Variants in DCAF8L2 observed in about 807,000 individuals in gnomAD.
The protein encoded by DCAF8L2 is DDB1 and CUL4 associated factor 8 like 2, also known as DDB1- and CUL4-associated factor 8-like protein 2.
For synonymous variants in DCAF8L2, 200 were observed against 190.9 expected, an observed-to-expected ratio of 1.05 and a Z score of -0.39; for missense variants, 430 against 490.7, an observed-to-expected ratio of 0.88 and a Z score of 1.17.
the DCAF8L2 span, among the ~76,000 whole-genome samples, chrX:27,560,354 C>T: frequency 2.7e-5 from 3 of 111,038 alleles, no homozygotes; most frequent in South Asian, 1.1e-3. Context: ...CTGTCAAGGT[C>T]ATTATGTGTG....
chrX:27,749,249 A>G lies in DCAF8L2; in HGVS notation c.*458A>G, dbSNP rs1922447345. Among the ~76,000 whole-genome samples, 1 of 112,063 alleles carries G rather than the reference A, an allele frequency of 8.9e-6. No individual in the cohort carries two copies. On this transcript the variant is annotated 3_prime_UTR_variant, in exon 5 of 5. Transcript: ENST00000451261. ...TCCTCAGTTGACCTGAAAATTTCAG[A>G]AATGTGTTTCTTCTTTAGAAAATAA...
chrX:27,491,339 G>A, the DCAF8L2 span, among the ~76,000 whole-genome samples: 2 of 111,458 alleles, frequency 1.8e-5, no homozygotes, highest in Non-Finnish European at 3.8e-5. Context: ...ATTCAAGTGG[G>A]GCATTCTTTT....
intron 1 of DCAF8L2, among the ~76,000 whole-genome samples, chrX:27,625,894 A>G (rs1927985964): frequency 9.0e-6 from 1 of 111,100 alleles, no homozygotes; most frequent in East Asian, 2.8e-4. Flanking sequence ...GGACCAAAAA[A>G]CTGCCTATCA....
At chrX:27,649,729 ATCT>A (rs1380196237) in intron 2 of DCAF8L2, among the ~76,000 whole-genome samples, 1 of 111,941 alleles carries the variant, frequency 8.9e-6, no homozygotes, top group Non-Finnish European at 1.9e-5. Context: ...GTATGTAAAT[ATCT>A]TCTCTCATTG....
At chrX:27,578,118 A>G in the DCAF8L2 span, among the ~76,000 whole-genome samples, 1 of 111,713 alleles carries the variant, frequency 9.0e-6, no homozygotes, top group East Asian at 2.8e-4. Flanking sequence ...AAACAGAACA[A>G]AACTGGAGGC....
intron 3 of DCAF8L2, among the ~76,000 whole-genome samples, chrX:27,708,255 A>G (rs1373215962): frequency 9.0e-6 from 1 of 111,585 alleles, no homozygotes; most frequent in East Asian, 2.8e-4. Context: ...AACATGCGCT[A>G]TTGTTTCCTG....
the DCAF8L2 span, among the ~76,000 whole-genome samples, chrX:27,491,377 T>C: frequency 8.9e-6 from 1 of 112,133 alleles, no homozygotes; most frequent in African/African-American, 3.2e-5. Flanking sequence ...CAATTCCTCA[T>C]TGAATTTCTT....
the DCAF8L2 span, chrX:27,517,796 T>C: frequency 8.0e-6 from 9 of 1,120,178 alleles, no homozygotes; most frequent in Non-Finnish European, 1.1e-5. Flanking sequence ...GATACACAGG[T>C]TTGTATTGCC....
intron 4 of DCAF8L2, among the ~76,000 whole-genome samples, chrX:27,733,550 G>A (rs1921347291): frequency 9.0e-6 from 1 of 111,153 alleles, no homozygotes; most frequent in Non-Finnish European, 1.9e-5. Flanking sequence ...CACTTTTTAT[G>A]TTTGCTTTTG....
intron 3 of DCAF8L2, among the ~76,000 whole-genome samples, chrX:27,695,360 A>G (rs1373066853): frequency 8.9e-6 from 1 of 112,435 alleles, no homozygotes; most frequent in Non-Finnish European, 1.9e-5. Flanking sequence ...ACAAAAGTAT[A>G]TGAACAAGTT....
intron 2 of DCAF8L2, among the ~76,000 whole-genome samples, chrX:27,637,595 G>T (rs1362099620): frequency 8.9e-6 from 1 of 112,241 alleles, no homozygotes; most frequent in East Asian, 2.8e-4. Flanking sequence ...GAACATGGCA[G>T]CTTCTTCAAA....
At chrX:27,522,142 C>T in the DCAF8L2 span, among the ~76,000 whole-genome samples, 1 of 111,962 alleles carries the variant, frequency 8.9e-6, no homozygotes, top group Non-Finnish European at 1.9e-5. Context: ...ATTCTCCTGC[C>T]TCAACCTCCC....
chrX:27,690,107 T>A (rs757896763), intron 3 of DCAF8L2, among the ~76,000 whole-genome samples: 1 of 111,463 alleles, frequency 9.0e-6, no homozygotes, highest in Non-Finnish European at 1.9e-5. Flanking sequence ...AGGGACTAAA[T>A]CATGACAGAA....
Position 27,736,333 on chromosome X carries a change from A to T in DCAF8L2, c.-58-10505A>T, listed in dbSNP as rs1475520173. 2.7e-5 allele frequency among the ~76,000 whole-genome samples: 3 copies of T among 111,643 alleles called. No individual in the cohort carries two copies. The Admixed American group carries it at 2.9e-4, about 11-fold the overall frequency. On this transcript the variant is annotated intron_variant, in intron 4 of 4. Transcript: ENST00000451261. The stretch of plus-strand genomic sequence containing the variant: ...CTGCCCTTAAGGTCAGGACTATATC[A>T]TCTTTTATCTGCACTATTCTGATAG...
intron 3 of DCAF8L2, among the ~76,000 whole-genome samples, chrX:27,687,551 A>G (rs1930556175): frequency 1.8e-5 from 2 of 112,024 alleles, no homozygotes; most frequent in African/African-American, 6.5e-5. Context: ...ATACAACAAT[A>G]CTAAGGCATT....
chrX:27,514,625 C>T, the DCAF8L2 span, among the ~76,000 whole-genome samples: 5 of 86,636 alleles, frequency 5.8e-5, no homozygotes, highest in African/African-American at 8.8e-5. Flanking sequence ...GCCGAGATCC[C>T]GCCACTGCAC....
rs1434588166 is a variant in DCAF8L2, at chrX:27,747,360, C to T, written c.465C>T (p.Gly155=). 1.7e-6 allele frequency: 2 copies of T among 1,160,777 alleles called. No homozygotes were observed. The highest frequency in any genetic ancestry group is 2.3e-6 in the Non-Finnish European group (2 of 871,236). The change falls in exon 5 of 5, where the codon GGC becomes GGT. Residue 155 remains glycine (G), a synonymous_variant. Transcript: ENST00000451261. Reference sequence around the variant, plus strand: ...AACAGCCTCGGGCGGGTCCACAAGGCAGTGGCGGCAACCATGAGCAGTATT... The same window carrying T: ...AACAGCCTCGGGCGGGTCCACAAGGTAGTGGCGGCAACCATGAGCAGTATT... ...EEEQPRAGPQ[G]SGGNHEQYSL...
At chrX:27,742,180 T>A (rs1421985630) in intron 4 of DCAF8L2, among the ~76,000 whole-genome samples, 1 of 111,728 alleles carries the variant, frequency 9.0e-6, no homozygotes, top group African/African-American at 3.3e-5. Context: ...GAAATCTCTC[T>A]AAGAGGATCT....
chrX:27,605,281 A>G (rs1013011789), intron 1 of DCAF8L2, among the ~76,000 whole-genome samples: 5 of 111,927 alleles, frequency 4.5e-5, no homozygotes, highest in South Asian at 7.3e-4. Flanking sequence ...TACAATCAAT[A>G]TGCAATAATA....
Sources: gnomAD v4.1 joint callset for allele counts (sites outside exome capture counted in the v4.1 genomes callset) on GRCh38, gnomAD v4.1.1 for gene constraint, MANE v1.5 for transcripts, NCBI Gene and HGNC (gene_info 2026-07-23, HGNC 2026-07-21) for gene names.